PLA2R1: variants seen among roughly 807,000 people sequenced by gnomAD.
PLA2R1 encodes the protein secretory phospholipase A2 receptor.
Under a neutral mutation model 195.9 loss-of-function variants are expected in PLA2R1, and 158 were observed. The observed-to-expected ratio is 0.81, with a 90% CI of 0.71 to 0.92. PLA2R1 has a LOEUF of 0.92. Among genes scored for constraint, PLA2R1 ranks in the 40% least tolerant of loss-of-function variants. The pLI is 0.00. For synonymous variants in PLA2R1, 586 were observed against 598.2 expected (o/e 0.98, Z 0.30); for missense variants, 1,626 against 1,764.6 (o/e 0.92, Z 1.41).
chr2:160,003,020 T>C (rs966058274), intron 11 of PLA2R1, among the ~76,000 whole-genome samples: 49 of 152,054 alleles, frequency 3.2e-4, no homozygotes, highest in African/African-American at 1.1e-3. Flanking sequence ...ACCACACTGC[T>C]TGAATTATGT....
At chr2:159,960,730 T>C (rs531034192) in intron 20 of PLA2R1, among the ~76,000 whole-genome samples, 17 of 152,320 alleles carry the variant, frequency 1.1e-4, no homozygotes, top group Non-Finnish European at 2.2e-4. Context: ...CTCTGTTACA[T>C]TATCAAACAC....
chr2:159,970,547 C>T (rs1238124962), intron 17 of PLA2R1, among the ~76,000 whole-genome samples: 2 of 152,140 alleles, frequency 1.3e-5, no homozygotes, highest in Admixed American at 1.3e-4. Context: ...CTCATCCTCT[C>T]AGTTATTTAC....
At position 160,028,916 on chromosome 2, in the gene PLA2R1, G is replaced by A. The variant is rs1447684583; in HGVS notation, c.889C>T (p.Leu297=). The part of the protein sequence containing the change: ...TVEVWMGLNQ[L]DEHAGWQWSD... ...CACTGCCAGCCAGCGTGTTCATCCA[G>A]CTGATTGAGGCCCATCCACACCTCC... Residue 297 remains leucine, a synonymous_variant, in exon 5 of 30, where the codon CTG becomes TTG. Transcript: ENST00000283243. 1.2e-6 allele frequency: 2 copies of A among 1,611,652 alleles called. No individual in the cohort carries two copies. The highest frequency in any genetic ancestry group is 1.7e-6 in the Non-Finnish European group (2 of 1,177,658).
chr2:160,007,954 A>G (rs1404111298), intron 10 of PLA2R1, among the ~76,000 whole-genome samples: 2 of 152,234 alleles, frequency 1.3e-5, no homozygotes, highest in Non-Finnish European at 2.9e-5. Context: ...AAAGAAACCA[A>G]GTTAGAGGTC....
intron 11 of PLA2R1, among the ~76,000 whole-genome samples, chr2:160,002,497 T>C (rs1422163458): frequency 6.6e-6 from 1 of 152,026 alleles, no homozygotes; most frequent in Non-Finnish European, 1.5e-5. Flanking sequence ...CAAAGCTGTA[T>C]ACAAATGAAG....
At chr2:160,048,398 C>T (rs1398832229) in intron 1 of PLA2R1, among the ~76,000 whole-genome samples, 1 of 152,082 alleles carries the variant, frequency 6.6e-6, no homozygotes, top group Admixed American at 6.5e-5. Flanking sequence ...CATGCTGCCT[C>T]CAAATATACT....
intron 20 of PLA2R1, among the ~76,000 whole-genome samples, chr2:159,964,700 C>T (rs67504285): frequency 0.37 from 55,671 of 149,990 alleles, 12,856 homozygotes; most frequent in Non-Finnish European, 0.51. Context: ...ACATGGCAAC[C>T]CTTTTTTTTA....
In PLA2R1 at chr2:159,989,772, G is replaced by A. The variant is rs1690632016; in HGVS notation, c.1835-2414C>T. 2.6e-5 allele frequency among the ~76,000 whole-genome samples: 4 copies of A among 152,112 alleles called. No homozygotes were observed. The South Asian group carries it at 8.3e-4, about 32-fold the overall frequency. On this transcript the variant is annotated intron_variant, in intron 11 of 29. Transcript: ENST00000283243. Reference sequence around the variant, plus strand: ...TTCATTACAAAAACTAGGGTTTTGTGGCATAAGTTCTGCCTGCATATTCAA... The same window carrying A: ...TTCATTACAAAAACTAGGGTTTTGTAGCATAAGTTCTGCCTGCATATTCAA...
chr2:159,950,832 G>A (rs1687689503), intron 24 of PLA2R1, among the ~76,000 whole-genome samples: 1 of 152,220 alleles, frequency 6.6e-6, no homozygotes, highest in East Asian at 1.9e-4. Flanking sequence ...TACTTTGAGT[G>A]TACAATATTT....
At chr2:160,004,404 C>T (rs1365921896) in intron 11 of PLA2R1, among the ~76,000 whole-genome samples, 1 of 152,186 alleles carries the variant, frequency 6.6e-6, no homozygotes. Context: ...CCACCTTGGA[C>T]TGGACTTTTG....
At chr2:160,025,568 G>C (rs1693452229) in intron 6 of PLA2R1, among the ~76,000 whole-genome samples, 1 of 114,024 alleles carries the variant, frequency 8.8e-6, no homozygotes, top group East Asian at 2.8e-4. Flanking sequence ...TTTTATGTAA[G>C]CCACATGGTA....
chr2:160,021,932 T>C (rs1009483484), intron 7 of PLA2R1, among the ~76,000 whole-genome samples: 1 of 152,148 alleles, frequency 6.6e-6, no homozygotes, highest in Non-Finnish European at 1.5e-5. Context: ...TAAGTGCCCT[T>C]GTTGAGATAA....
chr2:160,003,508 G>C (rs1225567722), intron 11 of PLA2R1, among the ~76,000 whole-genome samples: 1 of 151,394 alleles, frequency 6.6e-6, no homozygotes, highest in Non-Finnish European at 1.5e-5. Context: ...CCATGTAGTT[G>C]AAAAACAAAA....
At chr2:159,930,898 A>C (rs921619592), downstream of PLA2R1, among the ~76,000 whole-genome samples, 1 of 152,132 alleles carries the variant, frequency 6.6e-6, no homozygotes, top group African/African-American at 2.4e-5. Context: ...CCTTTTTCAG[A>C]CAAGTTAAAT....
At chr2:160,032,179 C>A (rs1693895439) in intron 4 of PLA2R1, among the ~76,000 whole-genome samples, 1 of 152,150 alleles carries the variant, frequency 6.6e-6, no homozygotes, top group Non-Finnish European at 1.5e-5. Flanking sequence ...ACTATGGGAA[C>A]CTTTTTATTG....
At chr2:159,966,848 T>A (rs1182186209) in intron 20 of PLA2R1, among the ~76,000 whole-genome samples, 1 of 152,202 alleles carries the variant, frequency 6.6e-6, no homozygotes. Context: ...TATAAAGTTA[T>A]TTTATTATAA....
rs557944885 is a variant in PLA2R1, at chr2:159,986,513, C to T, written c.2037+643G>A. Among the ~76,000 whole-genome samples the T allele has an allele frequency of 2.6e-5, 4 of 152,174 alleles. No individual in the cohort carries two copies. The South Asian group carries it at 6.2e-4, about 24-fold the overall frequency. On this transcript the variant is annotated intron_variant, in intron 12 of 29. Transcript: ENST00000283243. ...AAACTGGTTAGGTGTTTAGAGTCCT[C>T]CCCCAGGAGTGATAACCAGAGCATG... is the stretch of plus-strand genomic sequence containing the variant.
intron 17 of PLA2R1, among the ~76,000 whole-genome samples, chr2:159,972,517 A>G (rs1027909566): frequency 6.6e-6 from 1 of 152,244 alleles, no homozygotes; most frequent in Non-Finnish European, 1.5e-5. Flanking sequence ...CAGTCACTAC[A>G]TTAATCCATA....
intron 3 of PLA2R1, among the ~76,000 whole-genome samples, chr2:160,040,101 A>C (rs1210989938): frequency 1.3e-5 from 2 of 152,190 alleles, no homozygotes; most frequent in Non-Finnish European, 2.9e-5. Context: ...AATAATAAAA[A>C]TAATATGACA....
Sources: gnomAD v4.1 joint callset for allele counts (sites outside exome capture counted in the v4.1 genomes callset) on GRCh38, gnomAD v4.1.1 for gene constraint, MANE v1.5 for transcripts, NCBI Gene and HGNC (gene_info 2026-07-23, HGNC 2026-07-21) for gene names.